The following HSPD1 variants were observed in gnomAD, a reference collection of about 807,000 sequenced individuals.
The protein encoded by HSPD1 is heat shock protein family D (Hsp60) member 1, also known as 60 kDa heat shock protein, mitochondrial.
Under a neutral mutation model 53.0 loss-of-function variants are expected in HSPD1, and 3 were observed. The observed-to-expected ratio is 0.06, with a 90% CI of 0.03 to 0.15. The LOEUF (loss-of-function observed/expected upper bound fraction) is 0.15. Among genes scored for constraint, HSPD1 ranks in the 10% least tolerant of loss-of-function variants. The pLI, the probability that HSPD1 is intolerant of heterozygous loss-of-function variation, is 1.00. For missense variants in HSPD1, 431 were observed against 694.1 expected (o/e 0.62, Z 4.26); for synonymous variants, 200 against 228.0 (o/e 0.88, Z 1.10).
At chr2:197,500,221 C>T (rs1285337665), upstream of HSPD1, 5 of 617,678 alleles carry the variant, frequency 8.1e-6, no homozygotes, top group East Asian at 1.4e-4. Flanking sequence ...TCCGAGTCTT[C>T]GCGTCAGCGT....
In HSPD1 at chr2:197,488,986, T is replaced by C; in HGVS notation, c.1215+16A>G. On this transcript the variant is annotated intron_variant, in intron 9 of 11. Coordinates refer to ENST00000388968, the MANE Select transcript of HSPD1 (RefSeq NM_002156.5). ...ACTCAGAACCCAAGAAACTTATTCA[T>C]AATAATGAATGTTACCTTCAGCACA... The C allele has an allele frequency of 6.2e-7, 1 of 1,613,830 alleles. No homozygotes were observed. Among genetic ancestry groups the C allele is most frequent in the Non-Finnish European group, 8.5e-7 (1 of 1,179,760 alleles).
At chr2:197,494,087 G>T in intron 6 of HSPD1, 70 bp downstream of exon 6, 1 of 799,592 alleles carries the variant, frequency 1.3e-6, no homozygotes. Flanking sequence ...CTCCAGCCGG[G>T]GCAACAGAGA....
chr2:197,498,656 A>T lies in HSPD1; in HGVS notation c.174+19T>A, dbSNP rs1398951749. 1 of 1,606,584 alleles carries T rather than the reference A, an allele frequency of 6.2e-7. No individual in the cohort carries two copies. The highest frequency in any genetic ancestry group is 1.1e-5 in the South Asian group (1 of 90,900). The stretch of plus-strand genomic sequence containing the variant: ...CTATTAATAATACCGTAATTACAAT[A>T]AAATAAAAATACTGGTACCTTTGGC... On this transcript the variant is annotated intron_variant, in intron 2 of 11. Coordinates refer to ENST00000388968, the MANE Select transcript of HSPD1 (RefSeq NM_002156.5).
chr2:197,491,630 G>A (rs1261934865), intron 7 of HSPD1, among the ~76,000 whole-genome samples: 1 of 152,158 alleles, frequency 6.6e-6, no homozygotes, highest in Non-Finnish European at 1.5e-5. Flanking sequence ...TCTTGCTTCT[G>A]ACATACTTCA....
chr2:197,497,147 G>C lies in HSPD1; in HGVS notation c.420C>G (p.Ile140Met). Residue 140 changes from isoleucine to methionine, a missense_variant, in exon 3 of 12, where the codon ATC (isoleucine) becomes ATG (methionine). This residue lies in a region of HSPD1 where 386 missense variants were observed against 657.6 expected (regional missense o/e 0.59). Coordinates refer to ENST00000388968, the MANE Select transcript of HSPD1 (RefSeq NM_002156.5). Reference sequence around the variant, plus strand: ...GACAACAGACATTCCTACCTCTCCTGATTTCCACTGGATTAGCACCTTTGC... The same window carrying C: ...GACAACAGACATTCCTACCTCTCCTCATTTCCACTGGATTAGCACCTTTGC... ...KISKGANPVE[I>M]RRGVMLAVDA... 1.2e-6 allele frequency: 2 copies of C among 1,614,096 alleles called. No homozygotes were observed. Among genetic ancestry groups the C allele is most frequent in the Non-Finnish European group, 1.7e-6 (2 of 1,179,954 alleles).
intron 8 of HSPD1, 51 bp downstream of exon 8, chr2:197,490,146 C>A: frequency 8.1e-7 from 1 of 1,236,468 alleles, no homozygotes; most frequent in Non-Finnish European, 1.2e-6. Flanking sequence ...TCTATAAATT[C>A]CAGACAAGTA....
intron 2 of HSPD1, among the ~76,000 whole-genome samples, chr2:197,497,724 T>C (rs1332825321): frequency 1.3e-5 from 2 of 152,280 alleles, no homozygotes; most frequent in African/African-American, 4.8e-5. Context: ...CTTTAGTTAG[T>C]GCCTGTTATC....
Position 197,494,717 on chromosome 2 carries a change from A to G in HSPD1, c.546T>C (p.Ile182=). The change falls in exon 5 of 12, where the codon ATT becomes ATC. Residue 182 remains isoleucine (I), a synonymous_variant. Transcript: ENST00000388968. ...ATISANGDKE[I]GNIISDAMKK... ...TCATTGCATCAGAGATGATATTGCC[A>G]ATTTCTTTGTCTCCGTTTGCAGAAA... 7 of 1,613,214 alleles carry G rather than the reference A, an allele frequency of 4.3e-6. No individual in the cohort carries two copies. The highest frequency in any genetic ancestry group is 1.7e-4 in the Middle Eastern group (1 of 6,056).
chr2:197,494,234 T>G lies in HSPD1; in HGVS notation c.623A>C (p.Asn208Thr), dbSNP rs1205193922. ...VITVKDGKTL[N>T]DELEIIEGMK... is the part of the protein sequence containing the mutation. ...GCCTTCAATAATTTCTAATTCATCA[T>G]TCAGTGTTTTTCCATCCTATGAAAA... The change falls in exon 6 of 12, where the codon AAT becomes ACT. Residue 208 changes from asparagine to threonine, a missense_variant. Physicochemically the swap from Asn to Thr is moderately conservative, Grantham distance 65 (BLOSUM62 0). Around this residue, in one of 2 missense-constraint regions of HSPD1, gnomAD observed 386 missense variants for 657.6 expected, o/e 0.59. Coordinates refer to ENST00000388968, the MANE Select transcript of HSPD1 (RefSeq NM_002156.5). 1.3e-6 allele frequency: 2 copies of G among 1,542,162 alleles called. No individual in the cohort carries two copies. Among genetic ancestry groups the G allele is most frequent in the African/African-American group, 1.4e-5 (1 of 73,716 alleles).
chr2:197,499,236 G>A (rs1007937650), intron 1 of HSPD1: 3 of 338,454 alleles, frequency 8.9e-6, no homozygotes, highest in South Asian at 2.6e-5. Flanking sequence ...CAAGTGACCA[G>A]GGAAGTTAAA....
At chr2:197,499,104 C>T in intron 1 of HSPD1, 1 of 558,194 alleles carries the variant, frequency 1.8e-6, no homozygotes, top group Non-Finnish European at 3.2e-6. Flanking sequence ...TCCCCACGGC[C>T]ACCTATCCCT....
intron 7 of HSPD1, among the ~76,000 whole-genome samples, chr2:197,491,056 G>A (rs1017070882): frequency 9.2e-5 from 14 of 151,974 alleles, no homozygotes; most frequent in Non-Finnish European, 1.9e-4. Flanking sequence ...TTTTATTAAG[G>A]ACCCAAATAA....
At position 197,488,328 on chromosome 2, in the gene HSPD1, T is replaced by A; in HGVS notation, c.1379A>T (p.Asp460Val). 1 of 1,613,958 alleles carries A rather than the reference T, an allele frequency of 6.2e-7. No individual in the cohort carries two copies. The highest frequency in any genetic ancestry group is 8.5e-7 in the Non-Finnish European group (1 of 1,179,832). ...ALDSLTPANE[D>V]QKIGIEIIKR... ...AGGTAACTTTTTACCAATTTTTTGA[T>A]CTTCATTAGCTGGAGTCAATGAGTC... Residue 460 changes from aspartate to valine, a missense_variant, in exon 10 of 12, where the codon GAT (aspartate) becomes GTT (valine). By Grantham distance (152) the Asp-to-Val change is radical (BLOSUM62 -3). Coordinates refer to ENST00000388968, the MANE Select transcript of HSPD1 (RefSeq NM_002156.5).
At chr2:197,499,510 T>C (rs576807531) in intron 1 of HSPD1, 3 of 153,916 alleles carry the variant, frequency 1.9e-5, no homozygotes, top group South Asian at 2.0e-4. Context: ...CAGGCGCAGG[T>C]TGCACCAGCG....
At chr2:197,489,856 CAA>C (rs759970727) in intron 8 of HSPD1, among the ~76,000 whole-genome samples, 3 of 131,520 alleles carry the variant, frequency 2.3e-5, no homozygotes, top group African/African-American at 2.8e-5. Flanking sequence ...CACCCTGTCT[CAA>C]AAAAAAAAAG....
chr2:197,487,923 C>CA lies in HSPD1; in HGVS notation c.1503dup (p.Gly502TrpfsTer3). 6.2e-7 allele frequency: 1 copy of CA among 1,613,688 alleles called. No homozygotes were observed. The highest frequency in any genetic ancestry group is 8.5e-7 in the Non-Finnish European group (1 of 1,179,654). On this transcript the variant is annotated frameshift_variant, in exon 11 of 12. Coordinates refer to ENST00000388968, the MANE Select transcript of HSPD1 (RefSeq NM_002156.5). LOFTEE classifies it high-confidence loss of function. ...AAATCTCCAGCCATAGCATCATAAC[C>CA]AACTTCTGAGGAACTTTGCATAATT...
At chr2:197,488,758 C>T (rs1394728403) in intron 9 of HSPD1, among the ~76,000 whole-genome samples, 3 of 152,176 alleles carry the variant, frequency 2.0e-5, no homozygotes, top group African/African-American at 7.2e-5. Context: ...ATCCCAGCTA[C>T]TCGGGAGGCC....
chr2:197,497,234 A>G lies in HSPD1; in HGVS notation c.333T>C (p.Asp111=). 6.2e-7 allele frequency: 1 copy of G among 1,613,814 alleles called. No individual in the cohort carries two copies. Among genetic ancestry groups the G allele is most frequent in the South Asian group, 1.1e-5 (1 of 91,082 alleles). The change falls in exon 3 of 12, where the codon GAT becomes GAC. Residue 111 remains aspartate (D), a synonymous_variant. Transcript: ENST00000388968. ...VANNTNEEAG[D]GTTTATVLAR... ...CCAGTACAGTAGCAGTGGTAGTGCC[A>G]TCCCCAGCTTCTTCATTTGTGTTAT... is the stretch of plus-strand genomic sequence containing the variant.
intron 7 of HSPD1, among the ~76,000 whole-genome samples, chr2:197,493,109 G>A (rs2086114671): frequency 6.6e-6 from 1 of 151,804 alleles, no homozygotes; most frequent in African/African-American, 2.4e-5. Flanking sequence ...TATTCTATGA[G>A]AAAGCTGATC....
Sources: gnomAD v4.1 joint callset for allele counts (sites outside exome capture counted in the v4.1 genomes callset) on GRCh38, gnomAD v4.1.1 for gene constraint, gnomAD v4.1.1 regional missense constraint, MANE v1.5 for transcripts, NCBI Gene and HGNC (gene_info 2026-07-23, HGNC 2026-07-21) for gene names.